ZSWIM6: variants seen among roughly 807,000 people sequenced by gnomAD.
The protein encoded by ZSWIM6 is zinc finger SWIM domain-containing protein 6.
ZSWIM6 carries 9 observed loss-of-function variants against 113.2 expected under a neutral mutation model. That is an observed-to-expected ratio of 0.08 (90% confidence interval 0.05 to 0.14). ZSWIM6 has a LOEUF of 0.14. ZSWIM6 is among the 10% of genes least tolerant of loss of function. The pLI, the probability that ZSWIM6 is intolerant of heterozygous loss-of-function variation, is 1.00. For missense variants in ZSWIM6, 1,162 were observed against 1,552.2 expected (o/e 0.75, Z 4.22); for synonymous variants, 611 against 606.5 (o/e 1.01, Z -0.11).
intron 1 of ZSWIM6, among the ~76,000 whole-genome samples, chr5:61,437,147 C>T (rs1380958565): frequency 6.6e-6 from 1 of 152,118 alleles, no homozygotes; most frequent in Non-Finnish European, 1.5e-5. Flanking sequence ...CTTCGGCAGC[C>T]AAAGGATTCC....
chr5:61,412,271 C>T (rs1746163073), intron 1 of ZSWIM6, among the ~76,000 whole-genome samples: 1 of 152,132 alleles, frequency 6.6e-6, no homozygotes, highest in Non-Finnish European at 1.5e-5. Context: ...CTGGGTTGGT[C>T]AGAGTTGCAA....
intron 9 of ZSWIM6, among the ~76,000 whole-genome samples, chr5:61,534,787 G>C (rs780629596): frequency 4.6e-5 from 7 of 152,168 alleles, no homozygotes; most frequent in Non-Finnish European, 1.0e-4. Context: ...AATTTTGACA[G>C]CTTAAGTGTA....
intron 1 of ZSWIM6, among the ~76,000 whole-genome samples, chr5:61,379,792 T>C (rs113301280): frequency 8.3e-4 from 127 of 152,272 alleles, no homozygotes; most frequent in Non-Finnish European, 1.5e-3. Flanking sequence ...AAATTTCTGC[T>C]CTGAACATGA....
intron 10 of ZSWIM6, 63 bp downstream of exon 10, chr5:61,535,682 TA>T: frequency 1.3e-6 from 2 of 1,531,066 alleles, no homozygotes; most frequent in Non-Finnish European, 1.8e-6. Context: ...GCATGGCTGT[TA>T]ACTGACTTAC....
At chr5:61,488,398 C>T (rs1276623746) in intron 2 of ZSWIM6, among the ~76,000 whole-genome samples, 1 of 151,950 alleles carries the variant, frequency 6.6e-6, no homozygotes, top group African/African-American at 2.4e-5. Context: ...AGGATTCTGT[C>T]TTCTGATTTT....
At chr5:61,495,679 G>T (rs148640838) in intron 4 of ZSWIM6, among the ~76,000 whole-genome samples, 1,642 of 152,200 alleles carry the variant, frequency 0.011, 21 homozygotes, top group African/African-American at 0.036. Flanking sequence ...GCACAGTGTG[G>T]TGGTTAAATA....
chr5:61,473,977 G>A (rs1747644229), intron 2 of ZSWIM6, among the ~76,000 whole-genome samples: 1 of 152,088 alleles, frequency 6.6e-6, no homozygotes, highest in African/African-American at 2.4e-5. Flanking sequence ...ATTATGAGAT[G>A]TAAAAATGTA....
intron 1 of ZSWIM6, among the ~76,000 whole-genome samples, chr5:61,404,494 T>A (rs916926780): frequency 9.2e-5 from 14 of 152,198 alleles, no homozygotes; most frequent in African/African-American, 3.4e-4. Flanking sequence ...TGTTTTGCTG[T>A]CTTTGGCTAG....
chr5:61,425,020 A>G (rs1426299818), intron 1 of ZSWIM6, among the ~76,000 whole-genome samples: 7 of 152,078 alleles, frequency 4.6e-5, no homozygotes, highest in Admixed American at 3.9e-4. Flanking sequence ...GCCCGGCACT[A>G]ATCTTGGCTC....
chr5:61,350,456 A>G (rs1744758662), intron 1 of ZSWIM6, among the ~76,000 whole-genome samples: 2 of 152,140 alleles, frequency 1.3e-5, no homozygotes, highest in Admixed American at 6.5e-5. Context: ...AATCTTTCAT[A>G]TATAGGAGAT....
intron 1 of ZSWIM6, chr5:61,390,969 A>G (rs1745695564): frequency 2.6e-6 from 2 of 757,832 alleles, no homozygotes; most frequent in East Asian, 5.0e-5. Context: ...CAGTGGAGGC[A>G]TTGTTCTTGA....
At chr5:61,467,057 A>G (rs1195354623) in intron 1 of ZSWIM6, among the ~76,000 whole-genome samples, 2 of 152,278 alleles carry the variant, frequency 1.3e-5, no homozygotes, top group East Asian at 3.9e-4. Context: ...CTAAGTGCAA[A>G]TAATGCCACA....
rs1236672114 is a variant in ZSWIM6, at chr5:61,490,778, A to G, written c.1034-8A>G. On this transcript the variant is annotated splice_polypyrimidine_tract_variant and splice_region_variant and intron_variant, in intron 2 of 13. Transcript: ENST00000252744. ...CCTGTGTGTTATTATTTTTCTTTCT[A>G]TTTCTAGGTGCTCCTGATCCAACAG... 6 of 1,543,686 alleles carry G rather than the reference A, an allele frequency of 3.9e-6. No individual in the cohort carries two copies. The African/African-American group carries it at 8.3e-5, about 21-fold the overall frequency.
chr5:61,458,334 C>G (rs1747252857), intron 1 of ZSWIM6, among the ~76,000 whole-genome samples: 1 of 152,152 alleles, frequency 6.6e-6, no homozygotes, highest in Non-Finnish European at 1.5e-5. Context: ...TTTTGACTTA[C>G]TTAGAATCTA....
At chr5:61,490,968 A>G in intron 3 of ZSWIM6, 34 bp downstream of exon 3, 10 of 1,486,680 alleles carry the variant, frequency 6.7e-6, no homozygotes, top group Non-Finnish European at 9.0e-6. Context: ...AATATTCTAA[A>G]TATATACATA....
intron 11 of ZSWIM6, among the ~76,000 whole-genome samples, chr5:61,539,346 T>C (rs1347104147): frequency 6.6e-6 from 1 of 152,240 alleles, no homozygotes; most frequent in African/African-American, 2.4e-5. Flanking sequence ...CTTTGAGTCA[T>C]TGAGGGTGTG....
intron 2 of ZSWIM6, among the ~76,000 whole-genome samples, chr5:61,483,681 A>C (rs890179295): frequency 1.3e-4 from 19 of 150,862 alleles, no homozygotes; most frequent in African/African-American, 4.6e-4. Context: ...ATCCTAGCTA[A>C]CAGGATGAAA....
intron 1 of ZSWIM6, among the ~76,000 whole-genome samples, chr5:61,439,264 A>G (rs1226732766): frequency 6.6e-6 from 1 of 152,170 alleles, no homozygotes; most frequent in East Asian, 1.9e-4. Context: ...TAATTCATTA[A>G]TCCCATCTAT....
At chr5:61,519,580 T>TGG (rs1330072422) in intron 4 of ZSWIM6, among the ~76,000 whole-genome samples, 1 of 152,114 alleles carries the variant, frequency 6.6e-6, no homozygotes, top group African/African-American at 2.4e-5. Context: ...TTGTTATCAT[T>TGG]GGGAGGGACG....
Sources: gnomAD v4.1 joint callset for allele counts (sites outside exome capture counted in the v4.1 genomes callset) on GRCh38, gnomAD v4.1.1 for gene constraint, MANE v1.5 for transcripts, NCBI Gene and HGNC (gene_info 2026-07-23, HGNC 2026-07-21) for gene names.